The following ADGRE3 variants were observed in gnomAD, a reference collection of about 807,000 sequenced individuals.
The protein encoded by ADGRE3 is adhesion G protein-coupled receptor E3.
Under a neutral mutation model 80.1 loss-of-function variants are expected in ADGRE3, and 88 were observed. That is an observed-to-expected ratio of 1.10 (90% CI 0.93 to 1.31). The LOEUF (loss-of-function observed/expected upper bound fraction) is 1.31, where lower values mean the gene tolerates loss of function less well. Among genes scored for constraint, ADGRE3 ranks in the 40% most tolerant of loss-of-function variants. The pLI is 0.00. For synonymous variants in ADGRE3, 281 were observed against 294.8 expected (o/e 0.95, Z 0.48); for missense variants, 715 against 776.5 (o/e 0.92, Z 0.94).
intron 14 of ADGRE3, chr19:14,628,806 T>A (rs1970798739): frequency 4.4e-6 from 1 of 226,164 alleles, no homozygotes; most frequent in Admixed American, 5.4e-5. Context: ...AGTGACAGCT[T>A]TAAGGGGCAG....
intron 11 of ADGRE3, among the ~76,000 whole-genome samples, chr19:14,637,393 C>CTTTT (rs34233724): frequency 7.8e-6 from 1 of 127,602 alleles, no homozygotes; most frequent in African/African-American, 2.9e-5. Flanking sequence ...TTTTTAAGCT[C>CTTTT]TTTTTTTTTT....
intron 11 of ADGRE3, among the ~76,000 whole-genome samples, chr19:14,633,579 C>T (rs1285493212): frequency 1.3e-5 from 2 of 151,774 alleles, no homozygotes; most frequent in Non-Finnish European, 2.9e-5. Flanking sequence ...GTGGCGGGCA[C>T]CTGTAGTTCC....
the ADGRE3 span, among the ~76,000 whole-genome samples, chr19:14,613,324 A>T: frequency 2.6e-5 from 4 of 152,066 alleles, no homozygotes; most frequent in East Asian, 7.7e-4. Context: ...TGAGCTCAAG[A>T]AATCCTCCGT....
chr19:14,614,479 A>T (rs144564077), downstream of ADGRE3, among the ~76,000 whole-genome samples: 779 of 152,206 alleles, frequency 5.1e-3, 7 homozygotes, highest in African/African-American at 0.017. Flanking sequence ...AATAATAACC[A>T]TGGTTTATCA....
At chr19:14,673,269 T>C (rs1390925774) in intron 1 of ADGRE3, among the ~76,000 whole-genome samples, 1 of 152,254 alleles carries the variant, frequency 6.6e-6, no homozygotes, top group Non-Finnish European at 1.5e-5. Flanking sequence ...TATGATGCAA[T>C]TTCTTATCTG....
At chr19:14,616,182 T>C (rs1175477553), downstream of ADGRE3, among the ~76,000 whole-genome samples, 1 of 151,882 alleles carries the variant, frequency 6.6e-6, no homozygotes, top group Non-Finnish European at 1.5e-5. Context: ...TGTGATCTCC[T>C]CGTGATCTCC....
At chr19:14,661,895 A>G in intron 4 of ADGRE3, 68 bp downstream of exon 4, 1 of 1,556,118 alleles carries the variant, frequency 6.4e-7, no homozygotes, top group Non-Finnish European at 8.8e-7. Context: ...AAAACAAAAC[A>G]AAACAAAACA....
At chr19:14,609,347 C>A in the ADGRE3 span, among the ~76,000 whole-genome samples, 23 of 152,286 alleles carry the variant, frequency 1.5e-4, no homozygotes, top group South Asian at 4.8e-3. Flanking sequence ...TGCTCAATTC[C>A]TTCCCCTTCT....
chr19:14,605,766 G>C, the ADGRE3 span, among the ~76,000 whole-genome samples: 1 of 151,716 alleles, frequency 6.6e-6, no homozygotes, highest in Non-Finnish European at 1.5e-5. Context: ...CGGGACAGAG[G>C]CTTGCTCTGC....
At chr19:14,617,674 A>G (rs970532924), downstream of ADGRE3, among the ~76,000 whole-genome samples, 2 of 152,042 alleles carry the variant, frequency 1.3e-5, no homozygotes, top group Admixed American at 1.3e-4. Context: ...CTAGGATTAC[A>G]GGCGTGAGCC....
Position 14,638,210 on chromosome 19 carries a change from T to C in ADGRE3, c.1379A>G (p.Asn460Ser), listed in dbSNP as rs1971153473. Residue 460 changes from asparagine to serine, a missense_variant, in exon 11 of 16, where the codon AAT becomes AGT. Physicochemically the swap from Asn to Ser is conservative, Grantham distance 46. Coordinates refer to ENST00000253673, the MANE Select transcript of ADGRE3 (RefSeq NM_032571.5). ...NLTVVNYSSI[N>S]RLMKWIMFPV... ...GAACATGATCCACTTCATGAGTCTA[T>C]TGATGCTTGAGTAGTTGACCACTGT... 6.2e-7 allele frequency: 1 copy of C among 1,614,074 alleles called. No homozygotes were observed. Among genetic ancestry groups the C allele is most frequent in the Non-Finnish European group, 8.5e-7 (1 of 1,180,004 alleles).
At chr19:14,631,845 A>G (rs769415550) in intron 13 of ADGRE3, among the ~76,000 whole-genome samples, 2 of 152,170 alleles carry the variant, frequency 1.3e-5, no homozygotes, top group Non-Finnish European at 2.9e-5. Context: ...CACATCATAC[A>G]GGCTGTTAAT....
chr19:14,625,450 G>A (rs1035172021), intron 15 of ADGRE3, 42 bp downstream of exon 15: 1 of 1,235,864 alleles, frequency 8.1e-7, no homozygotes, highest in South Asian at 1.2e-5. Flanking sequence ...TGTCAAGAGA[G>A]GAGTATGTAA....
chr19:14,606,631 G>A, the ADGRE3 span, among the ~76,000 whole-genome samples: 1 of 148,770 alleles, frequency 6.7e-6, no homozygotes, highest in Non-Finnish European at 1.5e-5. Context: ...AGTGAGCTGA[G>A]ATCGCACCAC....
At chr19:14,601,154 C>T in the ADGRE3 span, among the ~76,000 whole-genome samples, 6 of 152,150 alleles carry the variant, frequency 3.9e-5, no homozygotes, top group South Asian at 4.2e-4. Flanking sequence ...CCTCCCACCT[C>T]TGCCTCCCAA....
chr19:14,632,553 A>G (rs376107536), intron 13 of ADGRE3, among the ~76,000 whole-genome samples: 4 of 152,258 alleles, frequency 2.6e-5, no homozygotes, highest in African/African-American at 4.8e-5. Context: ...CTTCCCATGG[A>G]TGGGATATTG....
chr19:14,616,823 T>C (rs1418428652), downstream of ADGRE3, among the ~76,000 whole-genome samples: 1 of 149,078 alleles, frequency 6.7e-6, no homozygotes, highest in Non-Finnish European at 1.5e-5. Context: ...AGATGGAATT[T>C]CGCTCTTGTT....
At position 14,620,568 on chromosome 19, in the gene ADGRE3, A is replaced by ATTTTTTTTTTTTTT. The variant is rs1189295641; in HGVS notation, c.1921-1111_1921-1098dup. Among the ~76,000 whole-genome samples, 7 of 11,046 alleles carry ATTTTTTTTTTTTTT rather than the reference A, an allele frequency of 6.3e-4. 1 individual carries two copies. The highest frequency in any genetic ancestry group is 2.0e-3 in the Admixed American group (1 of 512). The allele number at this position is 11,046 out of a possible 152,430, so 7.2% of individuals were successfully genotyped here. A position where few individuals can be genotyped will look rare whatever the true frequency, so the allele number is the denominator to read the frequency against. ...ATATATTATATATATATATATATAT[A>ATTTTTTTTTTTTTT]TTTTTTTTTTTTTTTTTTTTTTTTT... On this transcript the variant is annotated intron_variant, in intron 15 of 15. Transcript: ENST00000253673.
At chr19:14,645,506 A>C (rs1013218433) in intron 8 of ADGRE3, among the ~76,000 whole-genome samples, 26 of 152,210 alleles carry the variant, frequency 1.7e-4, no homozygotes, top group African/African-American at 6.0e-4. Flanking sequence ...TAAAAATACA[A>C]AAATGAGCCA....
Sources: allele counts gnomAD v4.1 joint callset (sites outside exome capture counted in the v4.1 genomes callset), GRCh38; gene constraint gnomAD v4.1.1; transcripts MANE v1.5; gene names NCBI Gene and HGNC (gene_info 2026-07-23, HGNC 2026-07-21).